The following UBQLN1 variants were observed in gnomAD, a reference collection of about 807,000 sequenced individuals.
UBQLN1 encodes ubiquilin-1.
A neutral mutation model predicts 65.4 loss-of-function variants in UBQLN1; 13 were observed. That is an observed-to-expected ratio of 0.20 (90% confidence interval 0.13 to 0.32). The LOEUF (loss-of-function observed/expected upper bound fraction) is 0.32. Among genes scored for constraint, UBQLN1 ranks in the 10% least tolerant of loss-of-function variants. The pLI is 1.00. For missense variants in UBQLN1, 561 were observed against 724.0 expected (o/e 0.77, Z 2.58); for synonymous variants, 267 against 247.8 (o/e 1.08, Z -0.73).
chr9:83,683,414 CAAAAAAA>C (rs766459859), intron 2 of UBQLN1, among the ~76,000 whole-genome samples: 1 of 70,960 alleles, frequency 1.4e-5, no homozygotes, highest in Non-Finnish European at 2.6e-5. Context: ...GACTCCGTCT[CAAAAAAA>C]AAAAAAAAAA....
At chr9:83,677,680 G>A in intron 6 of UBQLN1, 47 bp downstream of exon 6, 2 of 1,390,072 alleles carry the variant, frequency 1.4e-6, no homozygotes, top group Non-Finnish European at 1.0e-6. Flanking sequence ...TTTTAATTAT[G>A]TAAATGAGGA....
intron 1 of UBQLN1, among the ~76,000 whole-genome samples, chr9:83,699,861 T>C (rs61567557): frequency 0.039 from 5,993 of 152,296 alleles, 400 homozygotes; most frequent in African/African-American, 0.14. Context: ...AGATTTCGAC[T>C]ACCAGTTTGC....
intron 6 of UBQLN1, among the ~76,000 whole-genome samples, chr9:83,674,091 G>GCCA (rs992411854): frequency 2.0e-5 from 3 of 151,910 alleles, no homozygotes; most frequent in African/African-American, 7.3e-5. Context: ...GAGCCACCAT[G>GCCA]CCACACCTGG....
At chr9:83,673,658 T>C (rs949465799) in intron 6 of UBQLN1, among the ~76,000 whole-genome samples, 1 of 150,980 alleles carries the variant, frequency 6.6e-6, no homozygotes, top group African/African-American at 2.4e-5. Context: ...GTGAAAACTA[T>C]ATGAAATTCA....
chr9:83,664,775 T>C (rs550128850), intron 9 of UBQLN1, among the ~76,000 whole-genome samples: 2 of 151,324 alleles, frequency 1.3e-5, no homozygotes, highest in South Asian at 4.2e-4. Flanking sequence ...ATAAATTAGC[T>C]AGGTGTGGTG....
Position 83,677,843 on chromosome 9 carries a change from T to C in UBQLN1, c.989A>G (p.Gln330Arg). ...AGTGCCGCTGGAAGCTGATGAACTC[T>C]GGGAAGTCTGTGGAGCCCATGGATT... The part of the protein sequence containing the change: ...LPNPWAPQTS[Q>R]SSSASSGTAS... The change falls in exon 6 of 11, where the codon CAG (glutamine) becomes CGG (arginine). Residue 330 changes from glutamine (Q) to arginine (R), a missense_variant. By Grantham distance (43) the Gln-to-Arg change is conservative. This residue lies in a region of UBQLN1 where 89 missense variants were observed against 77.8 expected (regional missense o/e 1.14). Transcript: ENST00000376395. The C allele has an allele frequency of 6.2e-7, 1 of 1,614,152 alleles. No individual in the cohort carries two copies. The highest frequency in any genetic ancestry group is 2.2e-5 in the East Asian group (1 of 44,882).
In UBQLN1 at chr9:83,686,036, A is replaced by G; in HGVS notation, c.300T>C (p.Leu100=). 1.2e-6 allele frequency: 2 copies of G among 1,607,406 alleles called. 1 individual carries two copies. Among genetic ancestry groups the G allele is most frequent in the South Asian group, 2.2e-5 (2 of 90,030 alleles). Reference sequence around the variant, plus strand: ...GTGTTTTAATGACAAGGTGAACAGTAAGTCCATCATGAATTCCATGCTGAC... The same window carrying G: ...GTGTTTTAATGACAAGGTGAACAGTGAGTCCATCATGAATTCCATGCTGAC... ...TLSQHGIHDG[L]TVHLVIKTQN... Residue 100 remains leucine, a synonymous_variant, in exon 2 of 11, where the codon CTT becomes CTC. Coordinates refer to ENST00000376395, the MANE Select transcript of UBQLN1 (RefSeq NM_013438.5).
chr9:83,663,882 T>A lies in UBQLN1; in HGVS notation c.1610A>T (p.Asn537Ile), dbSNP rs146291236. 1 of 1,613,482 alleles carries A rather than the reference T, an allele frequency of 6.2e-7. No individual in the cohort carries two copies. Among genetic ancestry groups the A allele is most frequent in the East Asian group, 2.2e-5 (1 of 44,878 alleles). ...ATGGAAAAGAACTGATACCTGAGGA[T>A]TTACTCCAGCAAGAGCCTGCAGCAT... is the stretch of plus-strand genomic sequence containing the variant. Reference protein sequence around the residue: ...QQMLQALAGVNPQLQNPEVRF... With the variant: ...QQMLQALAGVIPQLQNPEVRF... Residue 537 changes from asparagine (N) to isoleucine (I), a missense_variant, in exon 10 of 11, where the codon AAT (asparagine) becomes ATT (isoleucine). By Grantham distance (149) the Asn-to-Ile change is moderately radical. Coordinates refer to ENST00000376395, the MANE Select transcript of UBQLN1 (RefSeq NM_013438.5).
intron 1 of UBQLN1, among the ~76,000 whole-genome samples, chr9:83,687,466 T>C (rs933250487): frequency 1.3e-5 from 2 of 152,248 alleles, no homozygotes; most frequent in Middle Eastern, 3.4e-3. Context: ...AATCACATCT[T>C]CAAACCACTC....
rs1228434339 is a variant in UBQLN1, at chr9:83,661,795, G to T, written c.1762C>A (p.Pro588Thr). The T allele has an allele frequency of 6.2e-7, 1 of 1,605,358 alleles. No homozygotes were observed. The highest frequency in any genetic ancestry group is 8.5e-7 in the Non-Finnish European group (1 of 1,175,586). ...AAGATACAGAAATGCTGCTATGATGGCTGGGAGCCCAGTAACCTTTCAATA... is the reference window on the plus strand; with the variant it reads ...AAGATACAGAAATGCTGCTATGATGTCTGGGAGCCCAGTAACCTTTCAATA... ...AAIERLLGSQ[P>T]S The change falls in exon 11 of 11, where the codon CCA becomes ACA. Residue 588 changes from proline (P) to threonine (T), a missense_variant. Physicochemically the swap from Pro to Thr is conservative, Grantham distance 38. Transcript: ENST00000376395.
At position 83,682,992 on chromosome 9, in the gene UBQLN1, T is replaced by C. The variant is rs1372237176; in HGVS notation, c.407A>G (p.Asn136Ser). 9 of 1,612,224 alleles carry C rather than the reference T, an allele frequency of 5.6e-6. No homozygotes were observed. Among genetic ancestry groups the C allele is most frequent in the Admixed American group, 5.0e-5 (3 of 59,934 alleles). ...NVTTSSTPNS[N>S]STSGSATSNP... is the part of the protein sequence containing the mutation. ...GCTAGTAGCAGAACCAGATGTAGAGTTACTATTAGGAGTTGATGATGTAGT... is the reference window on the plus strand; with the variant it reads ...GCTAGTAGCAGAACCAGATGTAGAGCTACTATTAGGAGTTGATGATGTAGT... The change falls in exon 3 of 11, where the codon AAC becomes AGC. Residue 136 changes from asparagine to serine, a missense_variant. Physicochemically the swap from Asn to Ser is conservative, Grantham distance 46. Around this residue, in one of 8 missense-constraint regions of UBQLN1, gnomAD observed 87 missense variants for 88.8 expected, o/e 0.98. Coordinates refer to ENST00000376395, the MANE Select transcript of UBQLN1 (RefSeq NM_013438.5).
Position 83,665,087 on chromosome 9 carries a change from A to G in UBQLN1, c.1391T>C (p.Leu464Ser). ...TGTCTGTAAACCCTGCTGAATCTGT[A>G]ACAAGGCCTGCATTGCTCTAGGGTT... ...MSNPRAMQAL[L>S]QIQQGLQTLA... is the part of the protein sequence containing the mutation. The change falls in exon 9 of 11, where the codon TTA (leucine) becomes TCA (serine). Residue 464 changes from leucine (L) to serine (S), a missense_variant. Around this residue, in one of 8 missense-constraint regions of UBQLN1, gnomAD observed 102 missense variants for 150.7 expected, o/e 0.68. Coordinates refer to ENST00000376395, the MANE Select transcript of UBQLN1 (RefSeq NM_013438.5). 6.2e-7 allele frequency: 1 copy of G among 1,613,982 alleles called. No homozygotes were observed. The highest frequency in any genetic ancestry group is 8.5e-7 in the Non-Finnish European group (1 of 1,179,964).
intron 1 of UBQLN1, among the ~76,000 whole-genome samples, chr9:83,697,689 G>A (rs146993231): frequency 6.1e-4 from 92 of 151,308 alleles, no homozygotes; most frequent in African/African-American, 2.2e-3. Context: ...CCAAGTAGCT[G>A]GGACTACAGG....
chr9:83,706,217 C>A (rs1021437819), intron 1 of UBQLN1, among the ~76,000 whole-genome samples: 1 of 152,184 alleles, frequency 6.6e-6, no homozygotes, highest in African/African-American at 2.4e-5. Context: ...ATACGTGCAA[C>A]TTACTCTGAA....
At chr9:83,671,897 T>C (rs995108780) in intron 6 of UBQLN1, among the ~76,000 whole-genome samples, 10 of 152,246 alleles carry the variant, frequency 6.6e-5, no homozygotes, top group Non-Finnish European at 1.5e-4. Flanking sequence ...AAGGCTGTTT[T>C]TCACCTACAT....
chr9:83,702,511 T>C (rs1832328639), intron 1 of UBQLN1, among the ~76,000 whole-genome samples: 2 of 152,126 alleles, frequency 1.3e-5, no homozygotes, highest in African/African-American at 4.8e-5. Flanking sequence ...AAGCCACAAG[T>C]AATTTAAAAA....
intron 7 of UBQLN1, chr9:83,668,462 T>C (rs534913753): frequency 9.5e-5 from 94 of 985,240 alleles, no homozygotes; most frequent in Non-Finnish European, 1.1e-4. Flanking sequence ...CCCTGTGGTA[T>C]GGAACCTAGA....
At chr9:83,666,848 A>T (rs1050283666) in intron 7 of UBQLN1, 1 of 154,476 alleles carries the variant, frequency 6.5e-6, no homozygotes, top group Non-Finnish European at 1.4e-5. Flanking sequence ...GCTTGCTTAG[A>T]AACCTCAACA....
At chr9:83,707,393 T>C in intron 1 of UBQLN1, 107 bp downstream of exon 1, 1 of 1,234,088 alleles carries the variant, frequency 8.1e-7, no homozygotes, top group Non-Finnish European at 1.1e-6. Flanking sequence ...CCCGGGAGAA[T>C]GGCCGAGGAC....
Sources: allele counts gnomAD v4.1 joint callset (sites outside exome capture counted in the v4.1 genomes callset), GRCh38; gene constraint gnomAD v4.1.1; regional missense constraint gnomAD v4.1.1; transcripts MANE v1.5; gene names NCBI Gene and HGNC (gene_info 2026-07-23, HGNC 2026-07-21).